Variants in IGFN1 observed in about 807,000 individuals in gnomAD.
IGFN1 encodes immunoglobulin-like and fibronectin type III domain-containing protein 1.
Under a neutral mutation model 289.5 loss-of-function variants are expected in IGFN1, and 253 were observed. The ratio of observed to expected loss-of-function variants is 0.87; its 90% CI spans 0.79 to 0.97. The LOEUF (loss-of-function observed/expected upper bound fraction) is 0.97. Ranked by LOEUF, IGFN1 falls within the 50% of genes least tolerant of loss-of-function variation. IGFN1 has a pLI of 0.00. For missense variants in IGFN1, 4,470 were observed against 4,686.1 expected (o/e 0.95, Z 1.35); for synonymous variants, 1,706 against 1,788.5 (o/e 0.95, Z 1.16).
At position 201,205,676 on chromosome 1, in the gene IGFN1, G is replaced by A. The variant is rs115347169; in HGVS notation, c.1189+322G>A. ...AGAGAGCACTCTCAAACTTCCCTGG[G>A]GATAGAAATTTGCGTTCCAGATGTT... On this transcript the variant is annotated intron_variant, in intron 11 of 23. Coordinates refer to ENST00000335211, the MANE Select transcript of IGFN1 (RefSeq NM_001164586.2). Among the ~76,000 whole-genome samples the A allele has an allele frequency of 4.6e-3, 694 of 152,274 alleles. 7 individuals carry two copies. Among genetic ancestry groups the A allele is most frequent in the African/African-American group, 0.016 (665 of 41,556 alleles).
chr1:201,198,948 T>C (rs1051430268), intron 5 of IGFN1, among the ~76,000 whole-genome samples: 1 of 152,232 alleles, frequency 6.6e-6, no homozygotes, highest in Non-Finnish European at 1.5e-5. Context: ...ATTGGGCCTA[T>C]ACCCTGAAAT....
In IGFN1 at chr1:201,207,882, G is replaced by T; in HGVS notation, c.2989G>T (p.Ala997Ser). 6 of 1,536,492 alleles carry T rather than the reference G, an allele frequency of 3.9e-6. No homozygotes were observed. Among genetic ancestry groups the T allele is most frequent in the Non-Finnish European group, 5.2e-6 (6 of 1,146,462 alleles). Residue 997 changes from alanine (A) to serine (S), a missense_variant, in exon 12 of 24, where the codon GCA becomes TCA. This residue lies in a region of IGFN1 where 2,011 missense variants were observed against 1,953.4 expected (regional missense o/e 1.03). Transcript: ENST00000335211. ...TGCTGGTTGTAGAGTTTCCCCTAGG[G>T]CACCTGCGGGAGTGGAGTCTGAGGA... ...HGAGCRVSPRAPAGVESEEGG... is the reference protein window; with the variant it reads ...HGAGCRVSPRSPAGVESEEGG...
intron 16 of IGFN1, 98 bp from the exon 17 acceptor site, chr1:201,217,189 G>T (rs894102107): frequency 6.6e-5 from 70 of 1,061,876 alleles, no homozygotes; most frequent in Non-Finnish European, 7.8e-5. Context: ...GCGGAGTGTG[G>T]CCTGTCCCAG....
At position 201,213,654 on chromosome 1, in the gene IGFN1, G is replaced by A. The variant is rs1455149803; in HGVS notation, c.8728+33G>A. The A allele has an allele frequency of 1.9e-6, 3 of 1,570,572 alleles. No individual in the cohort carries two copies. In the South Asian group the frequency reaches 3.4e-5, roughly 18 times the overall value. On this transcript the variant is annotated intron_variant, in intron 12 of 23. Coordinates refer to ENST00000335211, the MANE Select transcript of IGFN1 (RefSeq NM_001164586.2). ...CTTCTCTGCTGAGCTGGCTCCCATG[G>A]GCTAGAGACAGTGGGGAGCTCCCTG...
Position 201,214,889 on chromosome 1 carries a change from A to G in IGFN1, c.8854-124A>G, listed in dbSNP as rs1442992186. 33 of 958,680 alleles carry G rather than the reference A, an allele frequency of 3.4e-5. No homozygotes were observed. The South Asian group carries it at 5.4e-4, about 16-fold the overall frequency. The allele number at this position is 958,680 out of a possible 1,614,324, so 59.4% of individuals were successfully genotyped here. ...TAAGCACAGAGAGCATTGGCACACA[A>G]TAAGCATTCCATTCACACAGCTGTT... On this transcript the variant is annotated intron_variant, in intron 13 of 23. Transcript: ENST00000335211.
intron 18 of IGFN1, among the ~76,000 whole-genome samples, chr1:201,220,559 A>G (rs565384288): frequency 6.6e-6 from 1 of 152,368 alleles, no homozygotes; most frequent in African/African-American, 2.4e-5. Context: ...CACAGCAATC[A>G]CTACATTTTC....
Position 201,207,110 on chromosome 1 carries a change from T to C in IGFN1, c.2217T>C (p.Leu739=). Residue 739 remains leucine (L), a synonymous_variant, in exon 12 of 24, where the codon CTT becomes CTC. Transcript: ENST00000335211. The part of the protein sequence containing the change: ...EPSISGGRKF[L]LGDGSPEIKA... ...CAATATCAGGTGGTAGAAAATTCCT[T>C]CTGGGAGATGGGAGTCCTGAGATCA... 6.5e-7 allele frequency: 1 copy of C among 1,536,930 alleles called. No homozygotes were observed. Among genetic ancestry groups the C allele is most frequent in the Non-Finnish European group, 8.7e-7 (1 of 1,146,850 alleles).
rs1022776875 is a variant in IGFN1, at chr1:201,206,536, A to G, written c.1643A>G (p.Asn548Ser). 1.3e-6 allele frequency: 2 copies of G among 1,551,116 alleles called. No individual in the cohort carries two copies. Among genetic ancestry groups the G allele is most frequent in the Admixed American group, 2.0e-5 (1 of 51,000 alleles). The change falls in exon 12 of 24, where the codon AAC becomes AGC. Residue 548 changes from asparagine to serine, a missense_variant. Asn to Ser is a conservative substitution (Grantham distance 46, BLOSUM62 1). Around this residue, in one of 8 missense-constraint regions of IGFN1, gnomAD observed 2,011 missense variants for 1,953.4 expected, o/e 1.03. Coordinates refer to ENST00000335211, the MANE Select transcript of IGFN1 (RefSeq NM_001164586.2). ...CAGCAAGATCGTGGCAGAGACAGCA[A>G]CAGTGATGAATGCTGGAGGAAAGCA... ...KQQQDRGRDS[N>S]SDECWRKAGG...
intron 18 of IGFN1, 25 bp downstream of exon 18, chr1:201,218,683 G>C: frequency 6.3e-7 from 1 of 1,592,188 alleles, no homozygotes. Flanking sequence ...AACCCAGGAT[G>C]GGGGTGGAGG....
At chr1:201,224,314 GA>G (rs1408289834) in intron 20 of IGFN1, among the ~76,000 whole-genome samples, 1 of 152,110 alleles carries the variant, frequency 6.6e-6, no homozygotes, top group Non-Finnish European at 1.5e-5. Flanking sequence ...CCTGCCATGT[GA>G]ATCCAGAACT....
rs1220216295 is a variant in IGFN1 at position 201,211,429 on chromosome 1, G to C, written c.6536G>C (p.Arg2179Thr). The stretch of plus-strand genomic sequence containing the variant: ...GGGTCAATGGATGAGGCAGGTTATA[G>C]GAAGGATTTGGGAGCTCCTGAGGGA... The part of the protein sequence containing the change: ...EMGSMDEAGY[R>T]KDLGAPEGMG... The change falls in exon 12 of 24, where the codon AGG (arginine) becomes ACG (threonine). Residue 2179 changes from arginine to threonine, a missense_variant. Around this residue, in one of 8 missense-constraint regions of IGFN1, gnomAD observed 2,218 missense variants for 2,114.1 expected, o/e 1.05. Coordinates refer to ENST00000335211, the MANE Select transcript of IGFN1 (RefSeq NM_001164586.2). The C allele has an allele frequency of 5.3e-6, 8 of 1,500,608 alleles. No individual in the cohort carries two copies. Among genetic ancestry groups the C allele is most frequent in the Admixed American group, 4.1e-5 (2 of 48,882 alleles). 93.0% of individuals were successfully genotyped at this position (1,500,608 alleles called of 1,614,324 possible). A position where few individuals can be genotyped will look rare whatever the true frequency, so the allele number is the denominator to read the frequency against.
Position 201,215,660 on chromosome 1 carries a change from G to A in IGFN1, c.9117G>A (p.Trp3039Ter). 2 of 1,614,040 alleles carry A rather than the reference G, an allele frequency of 1.2e-6. No homozygotes were observed. The highest frequency in any genetic ancestry group is 1.7e-6 in the Non-Finnish European group (2 of 1,180,000). The part of the protein sequence containing the change: ...FQSHLPIQAA[W>*]RKDGAEVVGS... The stretch of plus-strand genomic sequence containing the variant: ...GCCACCTCCCCATTCAGGCTGCCTG[G>A]AGGAAGGACGGGGCTGAGGTGGTGG... The change falls in exon 15 of 24, where the codon TGG becomes TGA. Residue 3039 changes from tryptophan to a stop codon, truncating the protein, a stop_gained. Coordinates refer to ENST00000335211, the MANE Select transcript of IGFN1 (RefSeq NM_001164586.2). LOFTEE classifies it high-confidence loss of function.
intron 20 of IGFN1, among the ~76,000 whole-genome samples, chr1:201,224,202 C>G (rs1398107846): frequency 2.0e-5 from 3 of 152,216 alleles, no homozygotes; most frequent in Non-Finnish European, 4.4e-5. Context: ...ACACCGCAAT[C>G]TTCCTCCTAG....
intron 15 of IGFN1, chr1:201,216,044 G>T (rs541601087): frequency 3.9e-5 from 28 of 726,572 alleles, no homozygotes; most frequent in Middle Eastern, 2.3e-4. Context: ...GCTCCTGCTG[G>T]GGGGGAGGAG....
intron 18 of IGFN1, among the ~76,000 whole-genome samples, chr1:201,220,880 C>T (rs1478171071): frequency 6.6e-6 from 1 of 152,204 alleles, no homozygotes; most frequent in African/African-American, 2.4e-5. Context: ...TTTTTAAGCT[C>T]ACCAGGTGAT....
chr1:201,202,557 ATTCC>A (rs1667209053), intron 9 of IGFN1, among the ~76,000 whole-genome samples: 1 of 151,900 alleles, frequency 6.6e-6, no homozygotes, highest in Non-Finnish European at 1.5e-5. Context: ...GACAGGGCTA[ATTCC>A]TTCATGGCAG....
chr1:201,199,216 C>A, intron 5 of IGFN1, 118 bp from the exon 6 acceptor site: 1 of 849,904 alleles, frequency 1.2e-6, no homozygotes, highest in Non-Finnish European at 2.0e-6. Context: ...CCTTAGAGGA[C>A]AGTGGGGAGA....
Position 201,213,492 on chromosome 1 carries a change from G to A in IGFN1, c.8599G>A (p.Gly2867Ser). ...TGAAGATCAGAGCCGGGAGCCCCCT[G>A]GTCACCTTGGTAGCAGGAGAAGTGG... ...LNEDQSREPP[G>S]HLGSRRSGKD... Residue 2867 changes from glycine (G) to serine (S), a missense_variant, in exon 12 of 24, where the codon GGT becomes AGT. This residue lies in a region of IGFN1 where 2,218 missense variants were observed against 2,114.1 expected (regional missense o/e 1.05). Coordinates refer to ENST00000335211, the MANE Select transcript of IGFN1 (RefSeq NM_001164586.2). 1 of 1,614,064 alleles carries A rather than the reference G, an allele frequency of 6.2e-7. No homozygotes were observed. Among genetic ancestry groups the A allele is most frequent in the Non-Finnish European group, 8.5e-7 (1 of 1,179,956 alleles).
chr1:201,213,375 G>T lies in IGFN1; in HGVS notation c.8482G>T (p.Gly2828Ter), dbSNP rs1227760946. The change falls in exon 12 of 24, where the codon GGA becomes TGA. Residue 2828 changes from glycine (G) to a stop codon, truncating the protein, a stop_gained. Coordinates refer to ENST00000335211, the MANE Select transcript of IGFN1 (RefSeq NM_001164586.2). LOFTEE classifies it high-confidence loss of function. ...TCAGGCACAGTCAGGGGCTGAGGTT[G>T]GAGGAGGAAAGAGAAGGGGAGCAGA... ...RSQAQSGAEVGGGKRRGADEA... is the reference protein window; with the variant it reads ...RSQAQSGAEV 1.2e-6 allele frequency: 2 copies of T among 1,613,160 alleles called. No homozygotes were observed. Among genetic ancestry groups the T allele is most frequent in the Non-Finnish European group, 1.7e-6 (2 of 1,179,524 alleles).
Sources: gnomAD v4.1 joint callset for allele counts (sites outside exome capture counted in the v4.1 genomes callset) on GRCh38, gnomAD v4.1.1 for gene constraint, gnomAD v4.1.1 regional missense constraint, MANE v1.5 for transcripts, NCBI Gene and HGNC (gene_info 2026-07-23, HGNC 2026-07-21) for gene names.